PRUNE2: variants seen among roughly 807,000 people sequenced by gnomAD.
PRUNE2 encodes prune homolog 2 with BCH domain.
Under a neutral mutation model 252.0 loss-of-function variants are expected in PRUNE2, and 164 were observed. That is an observed-to-expected ratio of 0.65 (90% CI 0.57 to 0.74). The LOEUF (loss-of-function observed/expected upper bound fraction) is 0.74. Among genes scored for constraint, PRUNE2 ranks in the 30% least tolerant of loss-of-function variants. The pLI, the probability that PRUNE2 is intolerant of heterozygous loss-of-function variation, is 0.00. For synonymous variants in PRUNE2, 1,292 were observed against 1,350.2 expected (o/e 0.96, Z 0.94); for missense variants, 3,495 against 3,711.0 (o/e 0.94, Z 1.51).
chr9:76,837,422 C>T (rs1455855644), intron 4 of PRUNE2, among the ~76,000 whole-genome samples: 1 of 143,422 alleles, frequency 7.0e-6, no homozygotes, highest in East Asian at 2.0e-4. Flanking sequence ...GGCCTGGCGA[C>T]ACAGTGAGAC....
intron 6 of PRUNE2, among the ~76,000 whole-genome samples, chr9:76,768,776 T>C (rs2052749544): frequency 6.6e-6 from 1 of 152,226 alleles, no homozygotes; most frequent in African/African-American, 2.4e-5. Context: ...GAATCTTCTA[T>C]GATTTAATCA....
intron 16 of PRUNE2, among the ~76,000 whole-genome samples, 169 bp downstream of exon 16, chr9:76,629,023 T>A (rs1298239764): frequency 1.3e-5 from 2 of 152,102 alleles, no homozygotes; most frequent in Non-Finnish European, 2.9e-5. Context: ...TTTATATATT[T>A]AGTAGGAATG....
intron 6 of PRUNE2, among the ~76,000 whole-genome samples, chr9:76,805,630 T>G (rs2056882523): frequency 6.6e-6 from 1 of 152,140 alleles, no homozygotes; most frequent in Admixed American, 6.6e-5. Flanking sequence ...AAAATTCTGG[T>G]GTGCTATTGT....
At chr9:76,654,566 T>C (rs891612802) in intron 10 of PRUNE2, among the ~76,000 whole-genome samples, 3 of 152,302 alleles carry the variant, frequency 2.0e-5, no homozygotes, top group Admixed American at 2.0e-4. Context: ...AAGAGCATTT[T>C]AAAAAATTGT....
chr9:76,670,862 TAACA>T, intron 9 of PRUNE2, among the ~76,000 whole-genome samples: 1 of 151,688 alleles, frequency 6.6e-6, no homozygotes, highest in South Asian at 2.1e-4. Flanking sequence ...GAAGGAAAAC[TAACA>T]AACAGAAAGG....
intron 11 of PRUNE2, among the ~76,000 whole-genome samples, chr9:76,649,484 G>A (rs1189930705): frequency 3.9e-5 from 6 of 152,120 alleles, no homozygotes; most frequent in Admixed American, 6.6e-5. Flanking sequence ...TACTCAGGAG[G>A]CTAAGGTAGG....
intron 15 of PRUNE2, among the ~76,000 whole-genome samples, chr9:76,634,413 A>G (rs958651025): frequency 6.6e-6 from 1 of 152,224 alleles, no homozygotes; most frequent in African/African-American, 2.4e-5. Context: ...GCAACCTAAC[A>G]TAGTATGTAA....
intron 1 of PRUNE2, among the ~76,000 whole-genome samples, chr9:76,858,987 A>T (rs1008331885): frequency 1.3e-5 from 2 of 152,120 alleles, no homozygotes; most frequent in Non-Finnish European, 2.9e-5. Flanking sequence ...TGCTGAGTAA[A>T]TATCCATTCC....
chr9:76,629,221 A>G lies in PRUNE2; in HGVS notation c.9120T>C (p.Asp3040=). The G allele has an allele frequency of 1.2e-6, 2 of 1,606,620 alleles. No individual in the cohort carries two copies. The highest frequency in any genetic ancestry group is 2.2e-5 in the East Asian group (1 of 44,760). The change falls in exon 16 of 19, where the codon GAT becomes GAC. Residue 3040 remains aspartate, a synonymous_variant. Transcript: ENST00000376718. The part of the protein sequence containing the change: ...LSELSGLIPM[D]CIHIPESIIK... ...TGATGCTCTCTGGAATGTGGATGCA[A>G]TCCATTGGGATCAGCCCACTGAGTT...
intron 11 of PRUNE2, among the ~76,000 whole-genome samples, chr9:76,647,702 C>T (rs561955943): frequency 5.3e-4 from 80 of 152,262 alleles, no homozygotes; most frequent in Non-Finnish European, 8.4e-4. Flanking sequence ...CAGTGGCTCA[C>T]GCCTGTAATC....
At chr9:76,788,461 C>G (rs746358396) in intron 6 of PRUNE2, 19 of 741,514 alleles carry the variant, frequency 2.6e-5, no homozygotes, top group Non-Finnish European at 4.3e-5. Flanking sequence ...GCATTTGGAG[C>G]CAGAGTTCCT....
chr9:76,759,968 C>G (rs1382118611), intron 6 of PRUNE2: 1 of 152,306 alleles, frequency 6.6e-6, no homozygotes, highest in East Asian at 1.9e-4. Context: ...TGAGCCACAC[C>G]CCTGTCACAC....
intron 1 of PRUNE2, among the ~76,000 whole-genome samples, chr9:76,856,176 G>A (rs2060239535): frequency 2.0e-5 from 3 of 152,244 alleles, no homozygotes; most frequent in East Asian, 1.9e-4. Context: ...GATGGACCAG[G>A]GTGGTTCCCA....
intron 9 of PRUNE2, among the ~76,000 whole-genome samples, chr9:76,685,479 G>T (rs1213603951): frequency 6.6e-6 from 1 of 152,132 alleles, no homozygotes; most frequent in African/African-American, 2.4e-5. Flanking sequence ...AGTACCTCAA[G>T]GTGTGTGTTT....
At chr9:76,890,091 G>T (rs551494809) in intron 1 of PRUNE2, among the ~76,000 whole-genome samples, 1 of 152,332 alleles carries the variant, frequency 6.6e-6, no homozygotes, top group South Asian at 2.1e-4. Context: ...AGACTCTCAG[G>T]AATGGCATAC....
intron 16 of PRUNE2, chr9:76,625,020 T>C: frequency 7.7e-7 from 1 of 1,303,172 alleles, no homozygotes; most frequent in Non-Finnish European, 1.0e-6. Flanking sequence ...CAGGAGATTT[T>C]ACCTCACACT....
intron 12 of PRUNE2, among the ~76,000 whole-genome samples, chr9:76,641,465 A>T (rs1278163568): frequency 1.3e-5 from 2 of 152,186 alleles, no homozygotes; most frequent in African/African-American, 2.4e-5. Context: ...ATTTAAATTT[A>T]AAAAATCAGA....
At chr9:76,799,138 T>C (rs1408779939) in intron 6 of PRUNE2, among the ~76,000 whole-genome samples, 1 of 152,068 alleles carries the variant, frequency 6.6e-6, no homozygotes, top group African/African-American at 2.4e-5. Context: ...GTCAGGAGTT[T>C]GAGACCAGCC....
At chr9:76,795,187 G>C (rs1393078147) in intron 6 of PRUNE2, among the ~76,000 whole-genome samples, 1 of 152,154 alleles carries the variant, frequency 6.6e-6, no homozygotes, top group African/African-American at 2.4e-5. Context: ...TATTACTCTA[G>C]CTAGGTCTCA....
Sources: allele counts gnomAD v4.1 joint callset (sites outside exome capture counted in the v4.1 genomes callset), GRCh38; gene constraint gnomAD v4.1.1; transcripts MANE v1.5; gene names NCBI Gene and HGNC (gene_info 2026-07-23, HGNC 2026-07-21).